ENOX1: variants seen among roughly 807,000 people sequenced by gnomAD.
The protein encoded by ENOX1 is candidate growth-related and time keeping constitutive hydroquinone (NADH) oxidase.
ENOX1 carries 42 observed loss-of-function variants against 82.5 expected under a neutral mutation model. The ratio of observed to expected loss-of-function variants is 0.51; its 90% CI spans 0.40 to 0.66. ENOX1 has a LOEUF of 0.66. ENOX1 is among the 30% of genes least tolerant of loss of function. The probability of loss-of-function intolerance (pLI) is 0.00; values close to 1 mark genes in which losing one functional copy is unlikely to be tolerated. For missense variants in ENOX1, 608 were observed against 811.6 expected, an observed-to-expected ratio of 0.75 and a Z score of 3.05; for synonymous variants, 271 against 282.2, an observed-to-expected ratio of 0.96 and a Z score of 0.40.
intron 12 of ENOX1, among the ~76,000 whole-genome samples, chr13:43,295,662 C>T (rs2046245993): frequency 6.6e-6 from 1 of 152,172 alleles, no homozygotes; most frequent in South Asian, 2.1e-4. Flanking sequence ...CTGACCCCTC[C>T]TCTCTCTGTC....
At chr13:43,400,119 T>G (rs2053408139) in intron 5 of ENOX1, among the ~76,000 whole-genome samples, 1 of 152,136 alleles carries the variant, frequency 6.6e-6, no homozygotes. Context: ...TCCTTCTCTG[T>G]GCCTGCCTAC....
At position 43,453,154 on chromosome 13, in the gene ENOX1, C is replaced by G. The variant is rs921518769; in HGVS notation, c.-75+30855G>C. 7.9e-5 allele frequency among the ~76,000 whole-genome samples: 12 copies of G among 152,274 alleles called. 1 individual carries two copies. Among genetic ancestry groups the G allele is most frequent in the African/African-American group, 2.9e-4 (12 of 41,550 alleles). On this transcript the variant is annotated intron_variant, in intron 3 of 16. Coordinates refer to ENST00000690772, the MANE Select transcript of ENOX1 (RefSeq NM_001347969.2). ...TTCCTGGCATGTCTTGGGCTGTTCACCAGCCCCAGGGTCATGTCTAGGTGA... is the reference window on the plus strand; with the variant it reads ...TTCCTGGCATGTCTTGGGCTGTTCAGCAGCCCCAGGGTCATGTCTAGGTGA...
intron 11 of ENOX1, among the ~76,000 whole-genome samples, chr13:43,320,163 A>G (rs1193748428): frequency 6.6e-6 from 1 of 152,224 alleles, no homozygotes; most frequent in Non-Finnish European, 1.5e-5. Flanking sequence ...CCCGTGGAAT[A>G]AAAAAGGTTA....
At chr13:43,443,178 C>A (rs1443323334) in intron 3 of ENOX1, among the ~76,000 whole-genome samples, 1 of 152,136 alleles carries the variant, frequency 6.6e-6, no homozygotes, top group African/African-American at 2.4e-5. Flanking sequence ...TAGATTTACA[C>A]ATGTTTCCAG....
chr13:43,383,317 G>A (rs1363396793), intron 5 of ENOX1, among the ~76,000 whole-genome samples: 1 of 152,044 alleles, frequency 6.6e-6, no homozygotes, highest in Non-Finnish European at 1.5e-5. Flanking sequence ...TCTCCTTGGA[G>A]CCATGAGCAG....
At chr13:43,601,341 AATAATT>A (rs1321321175) in intron 2 of ENOX1, among the ~76,000 whole-genome samples, 2 of 152,112 alleles carry the variant, frequency 1.3e-5, no homozygotes, top group African/African-American at 4.8e-5. Context: ...AAGAGACTGA[AATAATT>A]AAAAAGAATC....
chr13:43,670,091 T>C (rs559095482), intron 1 of ENOX1, among the ~76,000 whole-genome samples: 1 of 152,206 alleles, frequency 6.6e-6, no homozygotes, highest in South Asian at 2.1e-4. Flanking sequence ...GCCAGATAAA[T>C]GACAAGGCAG....
intron 2 of ENOX1, among the ~76,000 whole-genome samples, chr13:43,524,103 C>A (rs956233219): frequency 6.6e-6 from 1 of 152,160 alleles, no homozygotes; most frequent in African/African-American, 2.4e-5. Flanking sequence ...GCCACCCAAC[C>A]ACCTTCTTCA....
At chr13:43,565,992 T>C (rs1439027493) in intron 2 of ENOX1, among the ~76,000 whole-genome samples, 3 of 152,222 alleles carry the variant, frequency 2.0e-5, no homozygotes, top group African/African-American at 7.2e-5. Flanking sequence ...TTTTAAATTC[T>C]TGATCCTCGT....
At chr13:43,356,448 C>T (rs916077473) in intron 7 of ENOX1, among the ~76,000 whole-genome samples, 8 of 152,246 alleles carry the variant, frequency 5.3e-5, no homozygotes, top group African/African-American at 1.9e-4. Context: ...GAACTAGGGT[C>T]TTATCATGAT....
At chr13:43,488,489 A>C (rs76260577) in intron 2 of ENOX1, among the ~76,000 whole-genome samples, 4,202 of 152,332 alleles carry the variant, frequency 0.028, 93 homozygotes, top group South Asian at 0.079. Context: ...AATCAATGGT[A>C]TTTGTTATAG....
chr13:43,372,138 C>T (rs2051283977), intron 5 of ENOX1, among the ~76,000 whole-genome samples: 1 of 152,206 alleles, frequency 6.6e-6, no homozygotes. Context: ...AATGTCACAA[C>T]ATAAATTCAT....
chr13:43,412,096 G>A (rs769827246), intron 4 of ENOX1, 43 bp from the exon 5 acceptor site: 68 of 1,590,900 alleles, frequency 4.3e-5, no homozygotes, highest in Non-Finnish European at 5.8e-5. Context: ...CATAGGCAAG[G>A]GTGTTTGTTT....
intron 9 of ENOX1, among the ~76,000 whole-genome samples, chr13:43,329,586 A>G (rs1041807038): frequency 6.6e-6 from 1 of 152,204 alleles, no homozygotes; most frequent in Non-Finnish European, 1.5e-5. Flanking sequence ...ATTCAAAGAG[A>G]TATGGCCAAC....
rs117693214 is a variant in ENOX1, at chr13:43,559,344, T to C, written c.-218-75192A>G. The stretch of plus-strand genomic sequence containing the variant: ...TCAGTGCTAAGCCATCTTCTTTAGT[T>C]AGAACTATTTTTATCCTTTGTCACT... On this transcript the variant is annotated intron_variant, in intron 2 of 16. Coordinates refer to ENST00000690772, the MANE Select transcript of ENOX1 (RefSeq NM_001347969.2). Among the ~76,000 whole-genome samples the C allele has an allele frequency of 8.9e-3, 1,361 of 152,344 alleles. 11 individuals are homozygous for C. Among genetic ancestry groups the C allele is most frequent in the Non-Finnish European group, 0.015 (1,001 of 68,028 alleles).
intron 1 of ENOX1, among the ~76,000 whole-genome samples, chr13:43,756,690 G>A (rs984588553): frequency 1.3e-5 from 2 of 152,050 alleles, no homozygotes; most frequent in Non-Finnish European, 2.9e-5. Flanking sequence ...ACTTAGTAAG[G>A]ATTTGCTCAT....
At position 43,719,343 on chromosome 13, in the gene ENOX1, A is replaced by ACACACACACACACACACC. The variant is rs1215069179; in HGVS notation, c.-284-51800_-284-51799insGGTGTGTGTGTGTGTGTG. Among the ~76,000 whole-genome samples, 6 of 149,026 alleles carry ACACACACACACACACACC rather than the reference A, an allele frequency of 4.0e-5. No individual in the cohort carries two copies. The East Asian group carries it at 1.2e-3, about 29-fold the overall frequency. ...CACACACACACACACACACACACAC[A>ACACACACACACACACACC]CACACCAGCAATCGCACATTCAAGG... On this transcript the variant is annotated intron_variant, in intron 1 of 16. Transcript: ENST00000690772.
rs772977763 is a variant in ENOX1 at position 43,298,339 on chromosome 13, C to T, written c.1446+7G>A. 2.0e-5 allele frequency: 32 copies of T among 1,574,914 alleles called. No homozygotes were observed. Among genetic ancestry groups the T allele is most frequent in the Non-Finnish European group, 2.5e-5 (29 of 1,166,632 alleles). ...TCAAAAAAAAAAAAAAAATCTGGGC[C>T]AGGTACCTGCTGCATGCCTTGCATG... On this transcript the variant is annotated splice_region_variant and intron_variant, in intron 12 of 16. Transcript: ENST00000690772.
At chr13:43,498,672 T>C (rs1207148011) in intron 2 of ENOX1, among the ~76,000 whole-genome samples, 2 of 151,956 alleles carry the variant, frequency 1.3e-5, no homozygotes, top group African/African-American at 4.8e-5. Flanking sequence ...TTAGAACATC[T>C]AGTTAGAACT....
Sources: gnomAD v4.1 joint callset for allele counts (sites outside exome capture counted in the v4.1 genomes callset) on GRCh38, gnomAD v4.1.1 for gene constraint, MANE v1.5 for transcripts, NCBI Gene and HGNC (gene_info 2026-07-23, HGNC 2026-07-21) for gene names.